PPA2: variants seen among roughly 807,000 people sequenced by gnomAD.
PPA2 encodes inorganic pyrophosphatase 2, mitochondrial.
PPA2 carries 48 observed loss-of-function variants against 49.5 expected under a neutral mutation model. That is an observed-to-expected ratio of 0.97 (90% CI 0.77 to 1.23). PPA2 has a LOEUF of 1.23. Ranked by LOEUF, PPA2 falls within the 50% of genes most tolerant of loss-of-function variation. The probability of loss-of-function intolerance (pLI) is 0.00; values close to 1 mark genes in which losing one functional copy is unlikely to be tolerated. For missense variants in PPA2, 429 were observed against 410.1 expected (o/e 1.05, Z -0.40); for synonymous variants, 131 against 139.9 (o/e 0.94, Z 0.45).
At chr4:105,446,150 A>T in intron 5 of PPA2, 1 of 366,400 alleles carries the variant, frequency 2.7e-6, no homozygotes. Flanking sequence ...TCAAAATGTC[A>T]AATGTGAACA....
In PPA2 at chr4:105,473,721, T is replaced by C. The variant is rs914437621; in HGVS notation, c.157+173A>G. The C allele has an allele frequency of 2.8e-5, 29 of 1,023,378 alleles. No homozygotes were observed. In the African/African-American group the frequency reaches 4.4e-4, roughly 16 times the overall value. The allele number at this position is 1,023,378 out of a possible 1,614,324, so 63.4% of individuals were successfully genotyped here. A position where few individuals can be genotyped will look rare whatever the true frequency, so the allele number is the denominator to read the frequency against. On this transcript the variant is annotated intron_variant, in intron 1 of 11. Transcript: ENST00000341695. ...GCCGCCTCCTCGCTGGCAGTTCTCGTGACTCGGTGCGCGCTCCCGCGGGAA... is the reference window on the plus strand; with the variant it reads ...GCCGCCTCCTCGCTGGCAGTTCTCGCGACTCGGTGCGCGCTCCCGCGGGAA...
At chr4:105,448,941 G>A (rs540774761) in intron 4 of PPA2, among the ~76,000 whole-genome samples, 2 of 126,220 alleles carry the variant, frequency 1.6e-5, no homozygotes, top group Admixed American at 7.3e-5. Context: ...AATATTGGCC[G>A]GGCGCGGTGG....
At chr4:105,422,233 A>T (rs1394277065) in intron 7 of PPA2, among the ~76,000 whole-genome samples, 4 of 152,220 alleles carry the variant, frequency 2.6e-5, no homozygotes, top group African/African-American at 7.2e-5. Context: ...CATGATGAAA[A>T]TAATACATGT....
intron 9 of PPA2, among the ~76,000 whole-genome samples, chr4:105,388,611 G>A (rs1229006637): frequency 6.6e-6 from 1 of 152,000 alleles, no homozygotes; most frequent in African/African-American, 2.4e-5. Context: ...GATTACCTGA[G>A]GTCAGGAGTT....
At chr4:105,463,557 G>A (rs903612221) in intron 1 of PPA2, among the ~76,000 whole-genome samples, 8 of 152,360 alleles carry the variant, frequency 5.3e-5, no homozygotes, top group Middle Eastern at 6.8e-3. Context: ...CCCCAAGACA[G>A]TGATGAAAAT....
chr4:105,369,793 T>A (rs768076247), intron 11 of PPA2, 40 bp from the exon 12 acceptor site: 23 of 1,529,804 alleles, frequency 1.5e-5, no homozygotes, highest in Non-Finnish European at 1.4e-5. Context: ...AGGGAAGGGA[T>A]AAGAGGAGGG....
At position 105,445,482 on chromosome 4, in the gene PPA2, A is replaced by T. The variant is rs544792252; in HGVS notation, c.441+901T>A. On this transcript the variant is annotated intron_variant, in intron 5 of 11. Transcript: ENST00000341695. ...CAGAGACAGCCTGACTCTTTAGAAAACAATTTTTTTTTAAATTTTCCTGTG... is the reference window on the plus strand; with the variant it reads ...CAGAGACAGCCTGACTCTTTAGAAATCAATTTTTTTTTAAATTTTCCTGTG... Among the ~76,000 whole-genome samples the T allele has an allele frequency of 1.0e-4, 13 of 129,678 alleles. No individual in the cohort carries two copies. In the South Asian group the frequency reaches 3.7e-3, roughly 37 times the overall value. The allele number at this position is 129,678 out of a possible 152,430, so 85.1% of individuals were successfully genotyped here.
At chr4:105,383,839 C>G (rs1480203073) in intron 10 of PPA2, among the ~76,000 whole-genome samples, 1 of 151,658 alleles carries the variant, frequency 6.6e-6, no homozygotes, top group African/African-American at 2.4e-5. Flanking sequence ...TTGATACGGT[C>G]TGAATCTGAT....
intron 6 of PPA2, among the ~76,000 whole-genome samples, chr4:105,428,751 T>C (rs994653374): frequency 3.3e-5 from 5 of 152,048 alleles, no homozygotes; most frequent in African/African-American, 1.2e-4. Flanking sequence ...CAAACCACCA[T>C]GGCACATATA....
chr4:105,429,030 T>C (rs906211258), intron 6 of PPA2, among the ~76,000 whole-genome samples: 2 of 152,174 alleles, frequency 1.3e-5, no homozygotes, highest in Non-Finnish European at 2.9e-5. Context: ...CATCTTGACC[T>C]TCTCCTCCAT....
chr4:105,377,918 G>A (rs996315359), intron 10 of PPA2, among the ~76,000 whole-genome samples: 4 of 151,940 alleles, frequency 2.6e-5, no homozygotes, highest in African/African-American at 9.7e-5. Context: ...TATACTACAA[G>A]TTGTTTATCC....
intron 1 of PPA2, 124 bp downstream of exon 1, chr4:105,473,770 C>G: frequency 7.1e-7 from 1 of 1,405,906 alleles, no homozygotes; most frequent in Non-Finnish European, 9.9e-7. Context: ...GACCGCGCGG[C>G]TACCGCTGAG....
Position 105,399,068 on chromosome 4 carries a change from T to G in PPA2, c.752A>C (p.Gln251Pro). The change falls in exon 8 of 12, where the codon CAG becomes CCG. Residue 251 changes from glutamine (Q) to proline (P), a missense_variant. Transcript: ENST00000341695. ...TTTGAATTCTCCATTAAAAGCAAACTGGTTTTCTGGTTTTCCATCTGGTAC... is the reference window on the plus strand; with the variant it reads ...TTTGAATTCTCCATTAAAAGCAAACGGGTTTTCTGGTTTTCCATCTGGTAC... ...YKVPDGKPENQFAFNGEFKNK... is the reference protein window; with the variant it reads ...YKVPDGKPENPFAFNGEFKNK... 3 of 1,608,426 alleles carry G rather than the reference T, an allele frequency of 1.9e-6. No homozygotes were observed. The highest frequency in any genetic ancestry group is 2.5e-6 in the Non-Finnish European group (3 of 1,178,706).
intron 6 of PPA2, among the ~76,000 whole-genome samples, chr4:105,429,856 AAAT>A (rs1723717978): frequency 6.6e-6 from 1 of 152,218 alleles, no homozygotes; most frequent in South Asian, 2.1e-4. Context: ...AGCCTTAAGA[AAAT>A]AATAAATGAT....
chr4:105,460,185 A>C (rs181580273), intron 1 of PPA2, among the ~76,000 whole-genome samples: 2 of 152,342 alleles, frequency 1.3e-5, no homozygotes, highest in East Asian at 3.9e-4. Context: ...TAAAAAATAA[A>C]AATGCAACAA....
intron 10 of PPA2, among the ~76,000 whole-genome samples, chr4:105,375,770 C>T (rs527347857): frequency 7.9e-5 from 12 of 152,126 alleles, no homozygotes; most frequent in African/African-American, 2.6e-4. Flanking sequence ...TCAGGAAAGC[C>T]CTAAATAGAG....
Position 105,399,069 on chromosome 4 carries a change from G to A in PPA2, c.751C>T (p.Gln251Ter), listed in dbSNP as rs775188804. 1 of 1,608,304 alleles carries A rather than the reference G, an allele frequency of 6.2e-7. No homozygotes were observed. Among genetic ancestry groups the A allele is most frequent in the Non-Finnish European group, 8.5e-7 (1 of 1,178,670 alleles). ...YKVPDGKPEN[Q>*]FAFNGEFKNK... ...TTGAATTCTCCATTAAAAGCAAACTGGTTTTCTGGTTTTCCATCTGGTACC... is the reference window on the plus strand; with the variant it reads ...TTGAATTCTCCATTAAAAGCAAACTAGTTTTCTGGTTTTCCATCTGGTACC... Residue 251 changes from glutamine to a stop codon, truncating the protein, a stop_gained, in exon 8 of 12, where the codon CAG (glutamine) becomes TAG (stop). Coordinates refer to ENST00000341695, the MANE Select transcript of PPA2 (RefSeq NM_176869.3). LOFTEE classifies it high-confidence loss of function.
At chr4:105,406,703 A>AC (rs1023611071) in intron 7 of PPA2, among the ~76,000 whole-genome samples, 1 of 152,110 alleles carries the variant, frequency 6.6e-6, no homozygotes, top group African/African-American at 2.4e-5. Context: ...TGAAAAGTAG[A>AC]CCCTCATTAT....
In PPA2 at chr4:105,391,145, T is replaced by C. The variant is rs1733901050; in HGVS notation, c.870-4509A>G. On this transcript the variant is annotated intron_variant, in intron 9 of 11. Transcript: ENST00000341695. The stretch of plus-strand genomic sequence containing the variant: ...GTGGGGGCTGAACAATCAGAACACA[T>C]GGACACAGGGAAGGGAACAACACAC... Among the ~76,000 whole-genome samples the C allele has an allele frequency of 9.9e-5, 15 of 151,364 alleles. No homozygotes were observed. The South Asian group carries it at 3.1e-3, about 32-fold the overall frequency.
Sources: gnomAD v4.1 joint callset for allele counts (sites outside exome capture counted in the v4.1 genomes callset) on GRCh38, gnomAD v4.1.1 for gene constraint, MANE v1.5 for transcripts, NCBI Gene and HGNC (gene_info 2026-07-23, HGNC 2026-07-21) for gene names.